Variants in KAT6B observed in about 807,000 individuals in gnomAD.
KAT6B encodes histone acetyltransferase KAT6B.
KAT6B carries 10 observed loss-of-function variants against 187.5 expected under a neutral mutation model. The ratio of observed to expected loss-of-function variants is 0.05; its 90% CI spans 0.03 to 0.09. The LOEUF (loss-of-function observed/expected upper bound fraction) is 0.09. KAT6B is among the 10% of genes least tolerant of loss of function. KAT6B has a pLI of 1.00. For synonymous variants in KAT6B, 861 were observed against 926.8 expected (o/e 0.93, Z 1.29); for missense variants, 1,952 against 2,558.9 (o/e 0.76, Z 5.12).
chr10:74,929,851 T>C (rs1434858352), intron 3 of KAT6B, among the ~76,000 whole-genome samples: 1 of 152,004 alleles, frequency 6.6e-6, no homozygotes, highest in African/African-American at 2.4e-5. Flanking sequence ...TTAAAATCAG[T>C]CAGAGGCAAA....
intron 3 of KAT6B, among the ~76,000 whole-genome samples, chr10:74,845,729 A>C (rs1842055271): frequency 6.6e-6 from 1 of 151,086 alleles, no homozygotes; most frequent in South Asian, 2.1e-4. Context: ...GTTTAGAAAC[A>C]ATTGAAACAT....
In KAT6B at chr10:75,031,225, TTTC is replaced by T; in HGVS notation, c.*182_*184del. The stretch of plus-strand genomic sequence containing the variant: ...AGCAGAAAGCCTTATACAAGTTGTT[TTTC>T]TTTTTTTCCTTTTTCTTTTTTTTGG... On this transcript the variant is annotated 3_prime_UTR_variant, in exon 18 of 18. Transcript: ENST00000287239. 2.8e-6 allele frequency: 2 copies of T among 709,494 alleles called. No homozygotes were observed. Among genetic ancestry groups the T allele is most frequent in the South Asian group, 3.7e-5 (2 of 53,636 alleles). The allele number at this position is 709,494 out of a possible 1,614,324, so 43.9% of individuals were successfully genotyped here.
Position 75,020,749 on chromosome 10 carries a change from A to G in KAT6B, c.2797A>G (p.Met933Val), listed in dbSNP as rs891878118. The G allele has an allele frequency of 6.2e-7, 1 of 1,614,090 alleles. No homozygotes were observed. Among genetic ancestry groups the G allele is most frequent in the Non-Finnish European group, 8.5e-7 (1 of 1,180,050 alleles). Residue 933 changes from methionine to valine, a missense_variant, in exon 14 of 18, where the codon ATG (methionine) becomes GTG (valine). By Grantham distance (21) the Met-to-Val change is conservative. Transcript: ENST00000287239. Reference protein sequence around the residue: ...SIKAISRATGMCPHDIATTLQ... With the variant: ...SIKAISRATGVCPHDIATTLQ... The stretch of plus-strand genomic sequence containing the variant: ...CAAGGCAATTAGCAGAGCGACGGGC[A>G]TGTGCCCACATGACATTGCCACCAC...
chr10:74,909,398 G>T (rs1436808784), intron 3 of KAT6B, among the ~76,000 whole-genome samples: 1 of 152,144 alleles, frequency 6.6e-6, no homozygotes, highest in African/African-American at 2.4e-5. Context: ...ATAATGTAAG[G>T]CAAGGCCTTT....
At chr10:74,925,045 T>A (rs1848393367) in intron 3 of KAT6B, among the ~76,000 whole-genome samples, 1 of 152,072 alleles carries the variant, frequency 6.6e-6, no homozygotes, top group African/African-American at 2.4e-5. Flanking sequence ...TAAATTTACT[T>A]TTATTTATTT....
chr10:75,024,360 T>C (rs550147720), intron 16 of KAT6B: 1 of 153,064 alleles, frequency 6.5e-6, no homozygotes, highest in East Asian at 1.9e-4. Context: ...GTTGCTCACA[T>C]CTCAGCAGCC....
intron 2 of KAT6B, among the ~76,000 whole-genome samples, chr10:74,840,852 T>C (rs1345536093): frequency 6.6e-6 from 1 of 152,184 alleles, no homozygotes; most frequent in African/African-American, 2.4e-5. Context: ...ACCCAGCTGT[T>C]TTTCAGCAAC....
intron 3 of KAT6B, among the ~76,000 whole-genome samples, chr10:74,855,606 G>A (rs1037494021): frequency 2.6e-5 from 4 of 152,212 alleles, no homozygotes; most frequent in African/African-American, 9.6e-5. Context: ...TCTGCTAGTG[G>A]AAGAGTATTG....
chr10:74,902,540 C>CGACT (rs1341690118), intron 3 of KAT6B, among the ~76,000 whole-genome samples: 3 of 152,118 alleles, frequency 2.0e-5, no homozygotes, highest in Non-Finnish European at 2.9e-5. Flanking sequence ...TCCTGTAAAC[C>CGACT]GACTATTCAA....
intron 4 of KAT6B, among the ~76,000 whole-genome samples, chr10:74,966,944 T>A (rs1841520522): frequency 6.6e-6 from 1 of 152,052 alleles, no homozygotes; most frequent in Non-Finnish European, 1.5e-5. Context: ...GTGACAGCAC[T>A]GCTTGAGTCT....
intron 11 of KAT6B, chr10:74,984,159 C>T (rs1331517003): frequency 6.6e-6 from 1 of 152,126 alleles, no homozygotes. Flanking sequence ...GATTGTGTTG[C>T]TATGTATGGG....
At chr10:74,875,322 A>C (rs967063768) in intron 3 of KAT6B, among the ~76,000 whole-genome samples, 11 of 152,132 alleles carry the variant, frequency 7.2e-5, no homozygotes, top group African/African-American at 2.7e-4. Context: ...CTGTATGTGT[A>C]ATGTAGTAAT....
chr10:74,997,116 C>G (rs1330436625), intron 13 of KAT6B, among the ~76,000 whole-genome samples: 2 of 151,984 alleles, frequency 1.3e-5, no homozygotes, highest in African/African-American at 4.8e-5. Context: ...AATCCCAGCA[C>G]TCTGGCAGGC....
At position 75,030,188 on chromosome 10, in the gene KAT6B, C is replaced by A. The variant is rs376103273; in HGVS notation, c.5364C>A (p.Ser1788Arg). The change falls in exon 18 of 18, where the codon AGC becomes AGA. Residue 1788 changes from serine to arginine, a missense_variant. By Grantham distance (110) the Ser-to-Arg change is moderately radical (BLOSUM62 -1). This residue lies in a region of KAT6B where 358 missense variants were observed against 436.3 expected (regional missense o/e 0.82). Coordinates refer to ENST00000287239, the MANE Select transcript of KAT6B (RefSeq NM_012330.4). This position sits in a 1 kb window ranked among gnomAD's most constrained non-coding sequence, Gnocchi z 4.8. ...AGCTGGCTGAAATCCCCGAGACGAG[C>A]AACGCCAACATTGGCTTATACGAGC... Reference protein sequence around the residue: ...PMQLAEIPETSNANIGLYERM... With the variant: ...PMQLAEIPETRNANIGLYERM... 1.5e-5 allele frequency: 25 copies of A among 1,614,130 alleles called. No individual in the cohort carries two copies. The highest frequency in any genetic ancestry group is 6.7e-5 in the African/African-American group (5 of 74,948).
intron 2 of KAT6B, among the ~76,000 whole-genome samples, chr10:74,839,886 A>AT (rs1841601035): frequency 6.6e-6 from 1 of 152,188 alleles, no homozygotes; most frequent in Non-Finnish European, 1.5e-5. Context: ...CAAGTCTAAC[A>AT]TTTTTGTCAA....
At chr10:74,991,016 G>A (rs190519899) in intron 13 of KAT6B, among the ~76,000 whole-genome samples, 10 of 152,024 alleles carry the variant, frequency 6.6e-5, no homozygotes, top group Non-Finnish European at 8.8e-5. Context: ...CCTAGACTCC[G>A]TCTGTTCAAA....
intron 3 of KAT6B, among the ~76,000 whole-genome samples, chr10:74,946,010 A>C (rs1449945292): frequency 6.6e-6 from 1 of 152,170 alleles, no homozygotes; most frequent in East Asian, 1.9e-4. Context: ...GATCGTGTAA[A>C]ATTGGCATTG....
chr10:74,843,789 T>C (rs1304457201), intron 3 of KAT6B, among the ~76,000 whole-genome samples: 3 of 152,356 alleles, frequency 2.0e-5, no homozygotes, highest in East Asian at 1.9e-4. Flanking sequence ...CAGGGTCATA[T>C]ATATTTCAGA....
chr10:75,022,308 G>C (rs1845493225), intron 16 of KAT6B, 77 bp downstream of exon 16: 3 of 1,521,202 alleles, frequency 2.0e-6, no homozygotes, highest in Middle Eastern at 1.7e-4. Context: ...CTGTCTATTA[G>C]TATTTGTTTC....
Sources: gnomAD v4.1 joint callset for allele counts (sites outside exome capture counted in the v4.1 genomes callset) on GRCh38, gnomAD v4.1.1 for gene constraint, gnomAD v4.1.1 regional missense constraint, Gnocchi (gnomAD v3.1) non-coding constraint, MANE v1.5 for transcripts, NCBI Gene and HGNC (gene_info 2026-07-23, HGNC 2026-07-21) for gene names.